Variants in STX2 observed in about 807,000 individuals in gnomAD.
STX2 encodes the protein syntaxin 2, also known as syntaxin-2.
Under a neutral mutation model 40.6 loss-of-function variants are expected in STX2, and 27 were observed. That is an observed-to-expected ratio of 0.66 (90% CI 0.49 to 0.92). STX2 has a LOEUF of 0.92. Among genes scored for constraint, STX2 ranks in the 40% least tolerant of loss-of-function variants. The pLI, the probability that STX2 is intolerant of heterozygous loss-of-function variation, is 0.00. For synonymous variants in STX2, 123 were observed against 119.1 expected, an observed-to-expected ratio of 1.03 and a Z score of -0.22; for missense variants, 328 against 366.1, an observed-to-expected ratio of 0.90 and a Z score of 0.85.
chr12:130,826,262 C>T (rs1215994291), intron 2 of STX2, among the ~76,000 whole-genome samples: 1 of 152,232 alleles, frequency 6.6e-6, no homozygotes, highest in African/African-American at 2.4e-5. Context: ...CCCCTGCCCC[C>T]ACAGCCAGGC....
intron 1 of STX2, among the ~76,000 whole-genome samples, chr12:130,829,650 C>G (rs1022116192): frequency 6.6e-6 from 1 of 152,242 alleles, no homozygotes; most frequent in Non-Finnish European, 1.5e-5. Context: ...CTCCCTGTCT[C>G]CAAGTGCTCA....
chr12:130,828,164 G>A (rs1952397578), intron 1 of STX2, among the ~76,000 whole-genome samples: 1 of 151,960 alleles, frequency 6.6e-6, no homozygotes, highest in Non-Finnish European at 1.5e-5. Flanking sequence ...TACTTTCATG[G>A]GTAATATTAA....
chr12:130,792,083 A>G, intron 10 of STX2, 106 bp from the exon 11 acceptor site: 1 of 710,494 alleles, frequency 1.4e-6, no homozygotes, highest in East Asian at 2.9e-5. Flanking sequence ...AAATACATCC[A>G]TTATCAAGAA....
chr12:130,834,809 T>C (rs1291842974), intron 1 of STX2, among the ~76,000 whole-genome samples: 1 of 152,238 alleles, frequency 6.6e-6, no homozygotes, highest in Admixed American at 6.5e-5. Context: ...TATATGCATA[T>C]ATAAAATTAT....
Position 130,791,728 on chromosome 12 carries a change from T to C in STX2, c.*295A>G, listed in dbSNP as rs1950881474. Reference sequence around the variant, plus strand: ...ATCACACCCACTGTGCTTACGGCGCTGTCACTGAACAAGACGTTCGGTTGT... The same window carrying C: ...ATCACACCCACTGTGCTTACGGCGCCGTCACTGAACAAGACGTTCGGTTGT... On this transcript the variant is annotated 3_prime_UTR_variant, in exon 11 of 11. Coordinates refer to ENST00000392373, the MANE Select transcript of STX2 (RefSeq NM_194356.4). The C allele has an allele frequency of 3.4e-6, 2 of 595,632 alleles. No homozygotes were observed. The highest frequency in any genetic ancestry group is 6.0e-6 in the Non-Finnish European group (2 of 335,956). 36.9% of individuals were successfully genotyped at this position (595,632 alleles called of 1,614,324 possible). A position where few individuals can be genotyped will look rare whatever the true frequency, so the allele number is the denominator to read the frequency against.
chr12:130,826,808 C>T (rs1463552172), intron 2 of STX2, among the ~76,000 whole-genome samples: 1 of 150,994 alleles, frequency 6.6e-6, no homozygotes, highest in Non-Finnish European at 1.5e-5. Flanking sequence ...TGAAACCAGC[C>T]TAGGCAACAT....
At chr12:130,792,430 C>T (rs908976951) in intron 10 of STX2, among the ~76,000 whole-genome samples, 19 of 152,334 alleles carry the variant, frequency 1.2e-4, no homozygotes, top group Admixed American at 9.8e-4. Context: ...ATTTGTAAAA[C>T]TTTAAACGAA....
chr12:130,808,786 T>C, intron 4 of STX2, 82 bp from the exon 5 acceptor site: 2 of 1,224,580 alleles, frequency 1.6e-6, no homozygotes, highest in Non-Finnish European at 2.3e-6. Context: ...CTTTTATTTC[T>C]TATCTTTGAA....
intron 4 of STX2, among the ~76,000 whole-genome samples, chr12:130,811,222 G>C (rs949509101): frequency 1.3e-5 from 2 of 151,976 alleles, no homozygotes; most frequent in African/African-American, 4.8e-5. Flanking sequence ...GCCAGGCGTG[G>C]TGGCGGGCGC....
intron 6 of STX2, among the ~76,000 whole-genome samples, chr12:130,803,679 A>C (rs890045721): frequency 7.4e-5 from 9 of 122,246 alleles, no homozygotes; most frequent in Middle Eastern, 3.7e-3. Flanking sequence ...AAAAAAAAAA[A>C]AAAAAAAAAA....
chr12:130,824,347 T>C (rs1384193913), intron 2 of STX2, among the ~76,000 whole-genome samples: 1 of 152,120 alleles, frequency 6.6e-6, no homozygotes, highest in South Asian at 2.1e-4. Context: ...ATCACACCAC[T>C]GCACTCTACC....
chr12:130,802,824 A>T (rs1411533714), intron 6 of STX2, among the ~76,000 whole-genome samples: 3 of 152,254 alleles, frequency 2.0e-5, no homozygotes, highest in Admixed American at 1.3e-4. Flanking sequence ...GAAACCTTGG[A>T]AAAACTGTGT....
intron 6 of STX2, 84 bp from the exon 7 acceptor site, chr12:130,801,572 C>T: frequency 2.9e-6 from 4 of 1,383,114 alleles, no homozygotes; most frequent in Non-Finnish European, 3.8e-6. Context: ...TTAGCAACTA[C>T]AATCATAGTT....
At chr12:130,808,978 C>A (rs967670049) in intron 4 of STX2, among the ~76,000 whole-genome samples, 2 of 152,184 alleles carry the variant, frequency 1.3e-5, no homozygotes, top group African/African-American at 4.8e-5. Context: ...GCAGTCCTCC[C>A]ACCGCAGCCT....
intron 3 of STX2, among the ~76,000 whole-genome samples, chr12:130,821,345 CCT>C (rs1041867090): frequency 2.0e-5 from 3 of 152,308 alleles, no homozygotes; most frequent in Admixed American, 2.0e-4. Flanking sequence ...CAAATCAATC[CCT>C]GATTCACTGC....
chr12:130,839,201 G>A lies in STX2; in HGVS notation c.-102C>T, dbSNP rs1053098867. The A allele has an allele frequency of 5.8e-6, 6 of 1,029,910 alleles. No homozygotes were observed. The highest frequency in any genetic ancestry group is 1.1e-4 in the Admixed American group (2 of 18,804). 63.8% of individuals were successfully genotyped at this position (1,029,910 alleles called of 1,614,324 possible). On this transcript the variant is annotated 5_prime_UTR_variant, in exon 1 of 11. Transcript: ENST00000392373. ...TCTCCGCCTCAGGCCCCGCGGTCCCGGCCCGGCGCCAGCAGCCCTCCCTGG... is the reference window on the plus strand; with the variant it reads ...TCTCCGCCTCAGGCCCCGCGGTCCCAGCCCGGCGCCAGCAGCCCTCCCTGG...
intron 6 of STX2, among the ~76,000 whole-genome samples, chr12:130,806,655 G>A (rs1309175129): frequency 1.3e-5 from 2 of 152,226 alleles, no homozygotes; most frequent in African/African-American, 4.8e-5. Flanking sequence ...GATGTGAGGA[G>A]CCATGAAGAT....
intron 8 of STX2, 42 bp from the exon 9 acceptor site, chr12:130,798,677 G>T: frequency 1.4e-6 from 2 of 1,467,838 alleles, no homozygotes; most frequent in South Asian, 1.3e-5. Context: ...ATTTTCAAAT[G>T]GCTTAATCAT....
At position 130,829,718 on chromosome 12, in the gene STX2, C is replaced by G. The variant is rs568130581; in HGVS notation, c.31-2451G>C. Among the ~76,000 whole-genome samples, 6 of 152,356 alleles carry G rather than the reference C, an allele frequency of 3.9e-5. No individual in the cohort carries two copies. In the East Asian group the frequency reaches 1.2e-3, roughly 29 times the overall value. On this transcript the variant is annotated intron_variant, in intron 1 of 10. Transcript: ENST00000392373. The stretch of plus-strand genomic sequence containing the variant: ...GGTCTCACTGCTTCCCTATGGCTAT[C>G]TGCCTTGTCTTCTCAGCTGTGCGGT...
Sources: allele counts gnomAD v4.1 joint callset (sites outside exome capture counted in the v4.1 genomes callset), GRCh38; gene constraint gnomAD v4.1.1; transcripts MANE v1.5; gene names NCBI Gene and HGNC (gene_info 2026-07-23, HGNC 2026-07-21).